The following DMD variants were observed in gnomAD, a reference collection of about 807,000 sequenced individuals.
The protein encoded by DMD is dystrophin, also known as mutant dystrophin.
In DMD, 63 loss-of-function variants were observed where a neutral mutation model predicts 330.1. That is an observed-to-expected ratio of 0.19 (90% CI 0.16 to 0.24). The LOEUF (loss-of-function observed/expected upper bound fraction) is 0.24, where lower values mean the gene tolerates loss of function less well. Among genes scored for constraint, DMD ranks in the 10% least tolerant of loss-of-function variants. DMD has a pLI of 1.00. For synonymous variants in DMD, 1,223 were observed against 959.8 expected (o/e 1.27, Z -5.07); for missense variants, 3,344 against 2,684.1 (o/e 1.25, Z -5.43).
chrX:31,777,595 T>A (rs760590861), intron 50 of DMD, among the ~76,000 whole-genome samples: 150 of 111,196 alleles, frequency 1.3e-3, no homozygotes, highest in African/African-American at 4.8e-3. Flanking sequence ...TGGCCTTACT[T>A]TTTCCTAAAT....
At chrX:32,373,080 G>C (rs1236435635) in intron 34 of DMD, among the ~76,000 whole-genome samples, 2 of 109,748 alleles carry the variant, frequency 1.8e-5, no homozygotes, top group Admixed American at 2.0e-4. Context: ...ACATTCTTGA[G>C]TTCGTAATTC....
At chrX:32,456,348 A>T (rs2098358097) in intron 25 of DMD, among the ~76,000 whole-genome samples, 1 of 111,260 alleles carries the variant, frequency 9.0e-6, no homozygotes, top group Non-Finnish European at 1.9e-5. Context: ...TTGTACTAGA[A>T]AAGGTATAAA....
At chrX:31,863,235 C>T (rs2093740779) in intron 48 of DMD, among the ~76,000 whole-genome samples, 1 of 112,093 alleles carries the variant, frequency 8.9e-6, no homozygotes, top group Admixed American at 9.4e-5. Context: ...CCCAGCTGCT[C>T]GGGAGGATGA....
chrX:31,316,649 A>G (rs1480223805), intron 62 of DMD, among the ~76,000 whole-genome samples: 1 of 112,049 alleles, frequency 8.9e-6, no homozygotes, highest in Non-Finnish European at 1.9e-5. Flanking sequence ...AATTGTTTTC[A>G]TGATTATATC....
chrX:32,463,910 T>G (rs2098392308), intron 24 of DMD, among the ~76,000 whole-genome samples: 1 of 111,929 alleles, frequency 8.9e-6, no homozygotes, highest in South Asian at 3.7e-4. Context: ...ATTATCTTTG[T>G]TAGTATTTTC....
At chrX:32,576,994 C>T (rs1420462244) in intron 13 of DMD, among the ~76,000 whole-genome samples, 1 of 111,497 alleles carries the variant, frequency 9.0e-6, no homozygotes, top group Non-Finnish European at 1.9e-5. Context: ...ATGTTACAGG[C>T]TCAATTGTGT....
chrX:31,261,119 G>A, intron 62 of DMD, 103 bp from the exon 63 acceptor site: 1 of 717,476 alleles, frequency 1.4e-6, no homozygotes, highest in Non-Finnish European at 2.1e-6. Context: ...TTTTGCTTTT[G>A]AACCATTCGG....
intron 44 of DMD, among the ~76,000 whole-genome samples, chrX:32,155,841 C>T (rs1283207573): frequency 9.0e-6 from 1 of 111,083 alleles, no homozygotes; most frequent in Non-Finnish European, 1.9e-5. Flanking sequence ...ATATTAAATG[C>T]TCAATTGATA....
At chrX:32,149,507 C>T (rs768578018) in intron 44 of DMD, among the ~76,000 whole-genome samples, 3 of 111,600 alleles carry the variant, frequency 2.7e-5, no homozygotes, top group East Asian at 5.6e-4. Flanking sequence ...AATAGAATTT[C>T]AGGTGTACAG....
intron 51 of DMD, among the ~76,000 whole-genome samples, chrX:31,755,627 C>G (rs2089005556): frequency 9.0e-6 from 1 of 111,617 alleles, no homozygotes; most frequent in Non-Finnish European, 1.9e-5. Flanking sequence ...ACCACGTAAG[C>G]CACAAATTTT....
At chrX:31,466,479 A>G (rs1424566582) in intron 59 of DMD, among the ~76,000 whole-genome samples, 1 of 111,246 alleles carries the variant, frequency 9.0e-6, no homozygotes, top group African/African-American at 3.3e-5. Flanking sequence ...ATGGTTGTAG[A>G]TGTGTGGCAT....
intron 17 of DMD, among the ~76,000 whole-genome samples, chrX:32,541,585 T>C (rs1318387740): frequency 9.0e-6 from 1 of 111,646 alleles, no homozygotes; most frequent in African/African-American, 3.3e-5. Context: ...TACCTATAAG[T>C]GAGAGATAAA....
At chrX:31,152,050 T>A (rs2037478917) in intron 74 of DMD, among the ~76,000 whole-genome samples, 2 of 112,598 alleles carry the variant, frequency 1.8e-5, no homozygotes, top group Non-Finnish European at 3.8e-5. Flanking sequence ...GTATATTGAG[T>A]TTAGTAACTT....
chrX:32,805,771 G>A (rs768553435), intron 7 of DMD, among the ~76,000 whole-genome samples: 2 of 112,054 alleles, frequency 1.8e-5, no homozygotes, highest in African/African-American at 6.5e-5. Flanking sequence ...GAAGAGAGTA[G>A]GGGCCAATAT....
chrX:32,357,968 C>T (rs1399072464), intron 37 of DMD, among the ~76,000 whole-genome samples: 1 of 110,055 alleles, frequency 9.1e-6, no homozygotes, highest in Non-Finnish European at 1.9e-5. Flanking sequence ...TTACCATGCA[C>T]TCACTCTCAA....
chrX:32,386,170 A>G (rs1308887717), intron 33 of DMD, 140 bp downstream of exon 33: 5 of 596,438 alleles, frequency 8.4e-6, no homozygotes, highest in African/African-American at 2.2e-5. Context: ...ATGTGTGTAT[A>G]TATATACGTA....
chrX:32,143,206 T>C (rs1247721043), intron 44 of DMD, among the ~76,000 whole-genome samples: 1 of 111,724 alleles, frequency 9.0e-6, no homozygotes, highest in Non-Finnish European at 1.9e-5. Flanking sequence ...TTAAATGCCA[T>C]TGCTAAAGTT....
At chrX:32,044,050 G>A (rs981730207) in intron 44 of DMD, among the ~76,000 whole-genome samples, 2 of 111,687 alleles carry the variant, frequency 1.8e-5, no homozygotes, top group African/African-American at 6.5e-5. Context: ...TCATGACACT[G>A]GGAAGAGAGT....
chrX:31,897,950 G>T (rs376304051), intron 47 of DMD, among the ~76,000 whole-genome samples: 6,827 of 99,681 alleles, frequency 0.068, 213 homozygotes, highest in African/African-American at 0.12. Context: ...TGTCAATTTT[G>T]GCTTTTGTTG....
Sources: gnomAD v4.1 joint callset for allele counts (sites outside exome capture counted in the v4.1 genomes callset) on GRCh38, gnomAD v4.1.1 for gene constraint, MANE v1.5 for transcripts, NCBI Gene and HGNC (gene_info 2026-07-23, HGNC 2026-07-21) for gene names.